MECOM: variants seen among roughly 807,000 people sequenced by gnomAD.
The protein encoded by MECOM is MDS1 and EVI1 complex locus, also known as histone-lysine N-methyltransferase MECOM.
A neutral mutation model predicts 116.3 loss-of-function variants in MECOM; 13 were observed. The ratio of observed to expected loss-of-function variants is 0.11; its 90% CI spans 0.07 to 0.18. MECOM has a LOEUF of 0.18. Ranked by LOEUF, MECOM falls within the 10% of genes least tolerant of loss-of-function variation. MECOM has a pLI of 1.00. For synonymous variants in MECOM, 528 were observed against 535.2 expected, an observed-to-expected ratio of 0.99 and a Z score of 0.19; for missense variants, 1,299 against 1,509.0, an observed-to-expected ratio of 0.86 and a Z score of 2.31.
chr3:169,324,279 G>A (rs1385844567), intron 2 of MECOM, among the ~76,000 whole-genome samples: 3 of 152,154 alleles, frequency 2.0e-5, no homozygotes, highest in Admixed American at 1.3e-4. Flanking sequence ...GCACACTCTC[G>A]TGTAGTGACC....
chr3:169,515,392 G>A (rs981892266), intron 1 of MECOM, among the ~76,000 whole-genome samples: 31 of 152,190 alleles, frequency 2.0e-4, no homozygotes, highest in African/African-American at 7.2e-4. Context: ...TTGGTACAAC[G>A]TAAATATTCA....
At chr3:169,134,418 A>C (rs1735743030) in intron 3 of MECOM, among the ~76,000 whole-genome samples, 1 of 152,216 alleles carries the variant, frequency 6.6e-6, no homozygotes, top group Non-Finnish European at 1.5e-5. Flanking sequence ...CCAAGCCATG[A>C]AAGGCAAAGA....
At chr3:169,330,347 AT>A (rs1722524618) in intron 2 of MECOM, among the ~76,000 whole-genome samples, 1 of 152,140 alleles carries the variant, frequency 6.6e-6, no homozygotes, top group African/African-American at 2.4e-5. Context: ...TTTAAGGGTG[AT>A]TAGGAATTAA....
At chr3:169,437,087 G>C (rs1310788662) in intron 1 of MECOM, among the ~76,000 whole-genome samples, 5 of 152,100 alleles carry the variant, frequency 3.3e-5, no homozygotes, top group Non-Finnish European at 5.9e-5. Flanking sequence ...TTAGAGTTTT[G>C]TATTTGACTT....
intron 2 of MECOM, among the ~76,000 whole-genome samples, chr3:169,363,563 C>A (rs182493312): frequency 1.3e-5 from 2 of 152,024 alleles, no homozygotes; most frequent in Non-Finnish European, 1.5e-5. Context: ...TCCTGGGCTT[C>A]CTGAACTTTA....
chr3:169,167,056 C>T (rs1211947757), intron 2 of MECOM, among the ~76,000 whole-genome samples: 1 of 152,062 alleles, frequency 6.6e-6, no homozygotes, highest in Non-Finnish European at 1.5e-5. Context: ...CATACTGATG[C>T]CTTAACTTTC....
intron 12 of MECOM, among the ~76,000 whole-genome samples, chr3:169,097,339 C>G (rs767763544): frequency 6.6e-6 from 1 of 151,934 alleles, no homozygotes; most frequent in Non-Finnish European, 1.5e-5. Flanking sequence ...AAGTCTTGGC[C>G]AGAAAAAGAA....
intron 1 of MECOM, among the ~76,000 whole-genome samples, chr3:169,415,945 C>A (rs1738515616): frequency 6.6e-6 from 1 of 151,874 alleles, no homozygotes; most frequent in Non-Finnish European, 1.5e-5. Flanking sequence ...AATACCCCAC[C>A]ATCAATATTA....
At chr3:169,477,663 T>C (rs984212050) in intron 1 of MECOM, among the ~76,000 whole-genome samples, 2 of 152,194 alleles carry the variant, frequency 1.3e-5, no homozygotes, top group African/African-American at 4.8e-5. Context: ...CTTCTTAACC[T>C]TTGTAGTTAT....
At chr3:169,415,243 A>G (rs954822752) in intron 1 of MECOM, among the ~76,000 whole-genome samples, 6 of 152,200 alleles carry the variant, frequency 3.9e-5, no homozygotes, top group Non-Finnish European at 7.3e-5. Flanking sequence ...ATTCTTAAAG[A>G]AAAGAATTTT....
chr3:169,520,227 T>C (rs1997280), intron 1 of MECOM, among the ~76,000 whole-genome samples: 99,521 of 152,122 alleles, frequency 0.65, 33,366 homozygotes, highest in African/African-American at 0.8. Flanking sequence ...TGAAGCCAAA[T>C]GTTCCCTGAA....
At chr3:169,401,050 G>A (rs1230050470) in intron 1 of MECOM, among the ~76,000 whole-genome samples, 6 of 152,168 alleles carry the variant, frequency 3.9e-5, no homozygotes, top group African/African-American at 1.2e-4. Flanking sequence ...TGTTTGCTCC[G>A]TGGTTAAAGC....
chr3:169,286,245 A>T (rs1713289988), intron 2 of MECOM, among the ~76,000 whole-genome samples: 1 of 152,176 alleles, frequency 6.6e-6, no homozygotes, highest in Non-Finnish European at 1.5e-5. Context: ...AGGTTAAATG[A>T]GAGAGGGACC....
intron 1 of MECOM, among the ~76,000 whole-genome samples, chr3:169,391,504 A>G (rs573149651): frequency 6.6e-6 from 1 of 152,190 alleles, no homozygotes; most frequent in Admixed American, 6.5e-5. Flanking sequence ...ACATCATATT[A>G]AATGTAAAAT....
chr3:169,630,467 A>G (rs1028346641), intron 1 of MECOM, among the ~76,000 whole-genome samples: 12 of 151,382 alleles, frequency 7.9e-5, no homozygotes, highest in African/African-American at 1.9e-4. Flanking sequence ...AAAAAAAAAA[A>G]AAAAGACAGA....
At chr3:169,280,051 T>C (rs1260499811) in intron 2 of MECOM, among the ~76,000 whole-genome samples, 2 of 152,284 alleles carry the variant, frequency 1.3e-5, no homozygotes, top group African/African-American at 4.8e-5. Context: ...GAAATACAAA[T>C]GGGCCAGCTA....
chr3:169,515,787 T>A (rs1756547252), intron 1 of MECOM, among the ~76,000 whole-genome samples: 1 of 152,228 alleles, frequency 6.6e-6, no homozygotes, highest in Non-Finnish European at 1.5e-5. Context: ...TGTAAAAATA[T>A]CTTGCAAGAT....
intron 1 of MECOM, among the ~76,000 whole-genome samples, chr3:169,575,814 C>A (rs906704951): frequency 2.0e-5 from 3 of 151,984 alleles, no homozygotes; most frequent in South Asian, 2.1e-4. Context: ...TCCTCTTCAT[C>A]CAAGGAAATA....
chr3:169,472,513 G>A (rs201581745), intron 1 of MECOM, among the ~76,000 whole-genome samples: 1,807 of 81,188 alleles, frequency 0.022, 78 homozygotes, highest in African/African-American at 0.045. Flanking sequence ...GAAAGGAAAG[G>A]AAAGGAAAGA....
Sources: gnomAD v4.1 joint callset for allele counts (sites outside exome capture counted in the v4.1 genomes callset) on GRCh38, gnomAD v4.1.1 for gene constraint, MANE v1.5 for transcripts, NCBI Gene and HGNC (gene_info 2026-07-23, HGNC 2026-07-21) for gene names.